Variants in SBF2 observed in about 807,000 individuals in gnomAD.
SBF2 encodes the protein SET binding factor 2, also known as myotubularin-related protein 13.
In SBF2, 112 loss-of-function variants were observed where a neutral mutation model predicts 225.2. The observed-to-expected ratio is 0.50, with a 90% CI of 0.43 to 0.58. SBF2 has a LOEUF of 0.58. Ranked by LOEUF, SBF2 falls within the 20% of genes least tolerant of loss-of-function variation. The pLI is 0.00. For missense variants in SBF2, 1,996 were observed against 2,206.2 expected, an observed-to-expected ratio of 0.90 and a Z score of 1.91; for synonymous variants, 763 against 773.3, an observed-to-expected ratio of 0.99 and a Z score of 0.22.
intron 2 of SBF2, among the ~76,000 whole-genome samples, chr11:10,057,588 G>T (rs1281790310): frequency 6.6e-6 from 1 of 152,122 alleles, no homozygotes; most frequent in African/African-American, 2.4e-5. Flanking sequence ...GAGCCTCCAG[G>T]AGTCAAGCAA....
rs767535305 is a variant in SBF2 at position 9,780,362 on chromosome 11, T to A, written c.*56A>T. The stretch of plus-strand genomic sequence containing the variant: ...CCTCAAGGATCCATGCTTCTTTTTC[T>A]ATCTATCTGGCAGCATGAGTTCTTC... On this transcript the variant is annotated 3_prime_UTR_variant, in exon 40 of 40. Transcript: ENST00000256190. 19 of 1,449,164 alleles carry A rather than the reference T, an allele frequency of 1.3e-5. No homozygotes were observed. In the South Asian group the frequency reaches 2.1e-4, roughly 16 times the overall value. The allele number at this position is 1,449,164 out of a possible 1,614,324, so 89.8% of individuals were successfully genotyped here.
At chr11:9,909,263 G>T (rs1862378178) in intron 16 of SBF2, among the ~76,000 whole-genome samples, 1 of 151,786 alleles carries the variant, frequency 6.6e-6, no homozygotes, top group Non-Finnish European at 1.5e-5. Flanking sequence ...CACTTATTTT[G>T]GAAGGTTTTT....
chr11:9,932,567 A>C (rs973293832), intron 16 of SBF2, among the ~76,000 whole-genome samples: 1 of 152,188 alleles, frequency 6.6e-6, no homozygotes, highest in African/African-American at 2.4e-5. Context: ...AATCCTTTAC[A>C]GACAAGCAAA....
chr11:10,012,858 C>T (rs1247560213), intron 6 of SBF2, among the ~76,000 whole-genome samples: 1 of 151,478 alleles, frequency 6.6e-6, no homozygotes, highest in Non-Finnish European at 1.5e-5. Context: ...CTGCTGATGT[C>T]TGGTTTAAAA....
intron 17 of SBF2, among the ~76,000 whole-genome samples, chr11:9,874,225 A>G (rs986976843): frequency 3.9e-5 from 6 of 152,162 alleles, no homozygotes; most frequent in Admixed American, 6.5e-5. Flanking sequence ...TTTAACTTGA[A>G]TTTTTATTGC....
intron 16 of SBF2, among the ~76,000 whole-genome samples, chr11:9,914,867 A>G (rs893518806): frequency 7.4e-6 from 1 of 134,626 alleles, no homozygotes; most frequent in African/African-American, 2.8e-5. Flanking sequence ...AGGTTCACCA[A>G]CTGTAACAAA....
chr11:9,789,468 A>G, intron 34 of SBF2, 126 bp from the exon 35 acceptor site: 2 of 652,622 alleles, frequency 3.1e-6, no homozygotes, highest in Non-Finnish European at 5.4e-6. Context: ...CAAATACCAT[A>G]TTTCTAAATA....
chr11:9,924,825 T>C (rs776989422), intron 16 of SBF2, among the ~76,000 whole-genome samples: 1 of 152,156 alleles, frequency 6.6e-6, no homozygotes, highest in Non-Finnish European at 1.5e-5. Flanking sequence ...CACAGCTCAC[T>C]GCAGCCTCCA....
chr11:10,193,948 G>A lies in SBF2; in HGVS notation c.95C>T (p.Pro32Leu). Residue 32 changes from proline to leucine, a missense_variant, in exon 2 of 40, where the codon CCA (proline) becomes CTA (leucine). Physicochemically the swap from Pro to Leu is moderately conservative, Grantham distance 98. Transcript: ENST00000256190. ...AGGTGTATCATCCCAGTCCTTCTGT[G>A]GAAATCTCTGGATTATTTTCCCCAG... ...EGLGKIIQRF[P>L]QKDWDDTPFP... 6.2e-7 allele frequency: 1 copy of A among 1,612,826 alleles called. No homozygotes were observed. Among genetic ancestry groups the A allele is most frequent in the East Asian group, 2.2e-5 (1 of 44,796 alleles).
chr11:9,894,544 T>G (rs1293567273), intron 17 of SBF2, among the ~76,000 whole-genome samples: 3 of 149,094 alleles, frequency 2.0e-5, no homozygotes, highest in Non-Finnish European at 4.5e-5. Context: ...ATTAGCTGGG[T>G]GTGGTGGTGT....
chr11:9,885,251 CAAAAAAA>C (rs71453937), intron 17 of SBF2, among the ~76,000 whole-genome samples: 2 of 38,280 alleles, frequency 5.2e-5, no homozygotes, highest in Non-Finnish European at 8.4e-5. Context: ...ACTTTTCCTC[CAAAAAAA>C]AAAAAAAAAA....
chr11:10,176,785 C>G (rs1447834435), intron 2 of SBF2, among the ~76,000 whole-genome samples: 1 of 152,096 alleles, frequency 6.6e-6, no homozygotes, highest in African/African-American at 2.4e-5. Flanking sequence ...GGTACCAATC[C>G]CTCTGAAACT....
At chr11:10,004,007 G>A (rs1319594350) in intron 6 of SBF2, among the ~76,000 whole-genome samples, 2 of 151,910 alleles carry the variant, frequency 1.3e-5, no homozygotes, top group African/African-American at 4.8e-5. Flanking sequence ...AATTTCCTTA[G>A]TCTATTATTA....
intron 16 of SBF2, among the ~76,000 whole-genome samples, chr11:9,951,815 A>G (rs1180993919): frequency 6.6e-6 from 1 of 152,196 alleles, no homozygotes; most frequent in Non-Finnish European, 1.5e-5. Context: ...ATGAAAGCAG[A>G]CTGGGGGAAC....
At chr11:9,815,468 T>A (rs1041445739) in intron 29 of SBF2, among the ~76,000 whole-genome samples, 1 of 145,196 alleles carries the variant, frequency 6.9e-6, no homozygotes, top group Non-Finnish European at 1.5e-5. Context: ...TTAAAAAAAA[T>A]ATAATAATAA....
chr11:9,978,389 T>A (rs1271360459), intron 13 of SBF2, among the ~76,000 whole-genome samples: 4 of 152,144 alleles, frequency 2.6e-5, no homozygotes, highest in Non-Finnish European at 5.9e-5. Context: ...CTGAAGGATA[T>A]TAGGAGAATT....
intron 1 of SBF2, among the ~76,000 whole-genome samples, chr11:10,257,078 G>A (rs534554884): frequency 6.6e-6 from 1 of 152,102 alleles, no homozygotes; most frequent in Non-Finnish European, 1.5e-5. Context: ...GAAACATCAC[G>A]CATTAGCAAA....
At chr11:9,946,558 C>G (rs959797362) in intron 16 of SBF2, among the ~76,000 whole-genome samples, 1 of 150,490 alleles carries the variant, frequency 6.6e-6, no homozygotes, top group Non-Finnish European at 1.5e-5. Context: ...TCAAGTGATT[C>G]TCCTGCTTCA....
At chr11:10,250,530 A>T (rs1383943257) in intron 1 of SBF2, among the ~76,000 whole-genome samples, 1 of 152,232 alleles carries the variant, frequency 6.6e-6, no homozygotes, top group African/African-American at 2.4e-5. Flanking sequence ...GTTTGGTTCC[A>T]TATTTCTGGG....
Sources: allele counts gnomAD v4.1 joint callset (sites outside exome capture counted in the v4.1 genomes callset), GRCh38; gene constraint gnomAD v4.1.1; transcripts MANE v1.5; gene names NCBI Gene and HGNC (gene_info 2026-07-23, HGNC 2026-07-21).